Variants in VPS13C observed in about 807,000 individuals in gnomAD.
VPS13C encodes the protein intermembrane lipid transfer protein VPS13C.
VPS13C carries 358 observed loss-of-function variants against 456.8 expected under a neutral mutation model. The observed-to-expected ratio is 0.78, with a 90% CI of 0.72 to 0.86. The LOEUF is 0.86. Ranked by LOEUF, VPS13C falls within the 40% of genes least tolerant of loss-of-function variation. VPS13C has a pLI of 0.00. For missense variants in VPS13C, 4,818 were observed against 4,385.4 expected (o/e 1.10, Z -2.79); for synonymous variants, 1,578 against 1,486.7 (o/e 1.06, Z -1.41).
At chr15:61,920,742 A>C in intron 55 of VPS13C, 95 bp from the exon 56 acceptor site, 2 of 1,126,442 alleles carry the variant, frequency 1.8e-6, no homozygotes, top group South Asian at 2.5e-5. Context: ...TGATCACTTT[A>C]TAGTAATGCT....
intron 1 of VPS13C, among the ~76,000 whole-genome samples, chr15:62,059,965 C>G (rs1404996143): frequency 6.6e-6 from 1 of 152,218 alleles, no homozygotes; most frequent in African/African-American, 2.4e-5. Context: ...AGGGGCCACC[C>G]TGAGTGCAGC....
chr15:61,867,025 G>C lies in VPS13C; in HGVS notation c.10863+1634C>G. The C allele has an allele frequency of 1.1e-6, 1 of 918,022 alleles. No homozygotes were observed. The highest frequency in any genetic ancestry group is 1.3e-6 in the Non-Finnish European group (1 of 768,552). The allele number at this position is 918,022 out of a possible 1,614,324, so 56.9% of individuals were successfully genotyped here. A position where few individuals can be genotyped will look rare whatever the true frequency, so the allele number is the denominator to read the frequency against. On this transcript the variant is annotated intron_variant, in intron 81 of 84. Coordinates refer to ENST00000644861, the MANE Select transcript of VPS13C (RefSeq NM_020821.3). The surrounding 1 kb of genome is among the most constrained non-coding windows in gnomAD (Gnocchi z 5.0). ...ACATAACTTATGTTGAGAATTAAGA[G>C]GATACTAATTTCAAAAATAATGATT... is the stretch of plus-strand genomic sequence containing the variant.
At chr15:61,953,977 T>C (rs942743976) in intron 38 of VPS13C, among the ~76,000 whole-genome samples, 1 of 152,196 alleles carries the variant, frequency 6.6e-6, no homozygotes, top group African/African-American at 2.4e-5. Flanking sequence ...TAAATATTTG[T>C]TGGATGGGTG....
At chr15:61,960,628 A>C (rs1438495170) in intron 35 of VPS13C, among the ~76,000 whole-genome samples, 2 of 152,208 alleles carry the variant, frequency 1.3e-5, no homozygotes, top group African/African-American at 4.8e-5. Flanking sequence ...TTAGCAAAAA[A>C]TGTTTTAAAT....
At chr15:61,891,614 T>C (rs1480985133) in intron 66 of VPS13C, among the ~76,000 whole-genome samples, 2 of 152,234 alleles carry the variant, frequency 1.3e-5, no homozygotes, top group African/African-American at 2.4e-5. Flanking sequence ...CCCCAGGTAA[T>C]TGTGTTTCAG....
intron 39 of VPS13C, among the ~76,000 whole-genome samples, 189 bp downstream of exon 39, chr15:61,951,635 C>T (rs1337427544): frequency 6.6e-6 from 1 of 152,150 alleles, no homozygotes; most frequent in Non-Finnish European, 1.5e-5. Context: ...CATCACATTT[C>T]CTAATAAATT....
At chr15:61,897,097 T>C (rs1248632848) in intron 66 of VPS13C, among the ~76,000 whole-genome samples, 1 of 151,962 alleles carries the variant, frequency 6.6e-6, no homozygotes, top group Non-Finnish European at 1.5e-5. Context: ...CAAAAACCCA[T>C]CTGTACATCA....
chr15:61,998,671 T>C (rs185599537), intron 16 of VPS13C, among the ~76,000 whole-genome samples: 50 of 152,318 alleles, frequency 3.3e-4, no homozygotes, highest in Middle Eastern at 6.8e-3. Flanking sequence ...CCCAAGTCTA[T>C]ACTTTTAGCC....
intron 9 of VPS13C, among the ~76,000 whole-genome samples, chr15:62,017,808 T>C (rs899755216): frequency 6.6e-6 from 1 of 152,212 alleles, no homozygotes; most frequent in Non-Finnish European, 1.5e-5. Context: ...AGTAGTTTTT[T>C]CCAATTCTGT....
At chr15:62,047,962 A>G (rs2048475461) in intron 1 of VPS13C, among the ~76,000 whole-genome samples, 1 of 152,170 alleles carries the variant, frequency 6.6e-6, no homozygotes, top group Non-Finnish European at 1.5e-5. Context: ...TACAATGTAA[A>G]TAACTTTAGT....
chr15:61,860,590 TA>T, intron 82 of VPS13C, among the ~76,000 whole-genome samples: 1 of 152,196 alleles, frequency 6.6e-6, no homozygotes, highest in Non-Finnish European at 1.5e-5. Context: ...TAATAAATTA[TA>T]GCATATCTGC....
At position 61,856,482 on chromosome 15, in the gene VPS13C, A is replaced by G. The variant is rs1029935085; in HGVS notation, c.10953-73T>C. 1.9e-6 allele frequency: 3 copies of G among 1,563,002 alleles called. No homozygotes were observed. In the African/African-American group the frequency reaches 4.1e-5, roughly 22 times the overall value. On this transcript the variant is annotated intron_variant, in intron 82 of 84. Transcript: ENST00000644861. ...TTTATTCTTGCCAATATTTCACCCT[A>G]CTGGATGGCAGAGGTAGCACTTGCT... is the stretch of plus-strand genomic sequence containing the variant.
At chr15:61,980,701 A>G (rs1398247204) in intron 22 of VPS13C, among the ~76,000 whole-genome samples, 5 of 152,196 alleles carry the variant, frequency 3.3e-5, no homozygotes, top group Non-Finnish European at 7.3e-5. Context: ...AAAAGACTAC[A>G]ATGACATGAT....
rs1177157066 is a variant in VPS13C, at chr15:61,881,730, A to T, written c.9706+17T>A. The stretch of plus-strand genomic sequence containing the variant: ...TATAAATAAGGTATATCTATGTCAC[A>T]ACTTATTTTATTTTACCTGAATCTA... On this transcript the variant is annotated intron_variant, in intron 70 of 84. Coordinates refer to ENST00000644861, the MANE Select transcript of VPS13C (RefSeq NM_020821.3). 6.2e-7 allele frequency: 1 copy of T among 1,607,240 alleles called. No homozygotes were observed. Among genetic ancestry groups the T allele is most frequent in the African/African-American group, 1.3e-5 (1 of 74,456 alleles).
At chr15:61,921,302 C>T (rs1271626767) in intron 55 of VPS13C, among the ~76,000 whole-genome samples, 2 of 152,048 alleles carry the variant, frequency 1.3e-5, no homozygotes, top group Non-Finnish European at 2.9e-5. Flanking sequence ...CTTAGTAAGG[C>T]TGCCCCAAAG....
At chr15:62,014,016 G>T (rs758380869) in intron 9 of VPS13C, 24 bp from the exon 10 acceptor site, 6 of 1,574,916 alleles carry the variant, frequency 3.8e-6, no homozygotes, top group Admixed American at 1.7e-5. Flanking sequence ...GGGAATACCT[G>T]TGAAACGTGG....
intron 24 of VPS13C, among the ~76,000 whole-genome samples, chr15:61,976,460 C>T (rs1020193637): frequency 2.6e-5 from 4 of 151,626 alleles, no homozygotes; most frequent in African/African-American, 4.8e-5. Context: ...AGAAAGCAGA[C>T]CAATGTTGTC....
At chr15:62,037,334 T>TTA (rs1158572899) in intron 3 of VPS13C, among the ~76,000 whole-genome samples, 3 of 79,820 alleles carry the variant, frequency 3.8e-5, no homozygotes, top group African/African-American at 1.5e-4. Flanking sequence ...TTATATACAT[T>TTA]TATATATAAT....
At position 61,921,706 on chromosome 15, in the gene VPS13C, G is replaced by A. The variant is rs542469982; in HGVS notation, c.7062+241C>T. Among the ~76,000 whole-genome samples, 4 of 152,116 alleles carry A rather than the reference G, an allele frequency of 2.6e-5. No individual in the cohort carries two copies. The East Asian group carries it at 5.8e-4, about 22-fold the overall frequency. ...CTTAAGGGAAGACAGATAAATTCTC[G>A]TTTCTGTTCTGCATTCAATCTGTTG... On this transcript the variant is annotated intron_variant, in intron 55 of 84. Coordinates refer to ENST00000644861, the MANE Select transcript of VPS13C (RefSeq NM_020821.3).
Sources: gnomAD v4.1 joint callset for allele counts (sites outside exome capture counted in the v4.1 genomes callset) on GRCh38, gnomAD v4.1.1 for gene constraint, Gnocchi (gnomAD v3.1) non-coding constraint, MANE v1.5 for transcripts, NCBI Gene and HGNC (gene_info 2026-07-23, HGNC 2026-07-21) for gene names.